CGNL1: variants seen among roughly 807,000 people sequenced by gnomAD.
The protein encoded by CGNL1 is cingulin-like protein 1.
In CGNL1, 132 loss-of-function variants were observed where a neutral mutation model predicts 141.2. That is an observed-to-expected ratio of 0.93 (90% CI 0.81 to 1.08). The LOEUF (loss-of-function observed/expected upper bound fraction) is 1.08, where lower values mean the gene tolerates loss of function less well. CGNL1 is among the 50% of genes least tolerant of loss of function. The probability of loss-of-function intolerance (pLI) is 0.00; values close to 1 mark genes in which losing one functional copy is unlikely to be tolerated. For synonymous variants in CGNL1, 690 were observed against 622.1 expected (o/e 1.11, Z -1.63); for missense variants, 1,870 against 1,588.6 (o/e 1.18, Z -3.01).
At chr15:57,418,106 G>C (rs2062870280) in intron 1 of CGNL1, among the ~76,000 whole-genome samples, 1 of 152,124 alleles carries the variant, frequency 6.6e-6, no homozygotes, top group Non-Finnish European at 1.5e-5. Context: ...TTACAAGAGA[G>C]GAGTAGCTGG....
At chr15:57,426,112 T>C (rs915092765) in intron 1 of CGNL1, among the ~76,000 whole-genome samples, 1 of 151,952 alleles carries the variant, frequency 6.6e-6, no homozygotes, top group African/African-American at 2.4e-5. Context: ...GAAGGGATTC[T>C]GCACTTAAGA....
chr15:57,485,799 T>G lies in CGNL1; in HGVS notation c.2403+23907T>G, dbSNP rs552329770. Among the ~76,000 whole-genome samples, 6 of 152,348 alleles carry G rather than the reference T, an allele frequency of 3.9e-5. No individual in the cohort carries two copies. The East Asian group carries it at 1.2e-3, about 29-fold the overall frequency. ...TCTCACAATACATTTGGAGGATCTT[T>G]TCAGATAGACGTACATAGAATGTCC... On this transcript the variant is annotated intron_variant, in intron 8 of 18. Transcript: ENST00000281282.
chr15:57,548,165 C>T lies in CGNL1; in HGVS notation c.*675C>T, dbSNP rs1262806284. The T allele has an allele frequency of 6.6e-6, 1 of 152,116 alleles. No homozygotes were observed. Among genetic ancestry groups the T allele is most frequent in the African/African-American group, 2.4e-5 (1 of 41,410 alleles). 9.4% of individuals were successfully genotyped at this position (152,116 alleles called of 1,614,324 possible). A position where few individuals can be genotyped will look rare whatever the true frequency, so the allele number is the denominator to read the frequency against. On this transcript the variant is annotated 3_prime_UTR_variant, in exon 19 of 19. Transcript: ENST00000281282. ...TACAGATGACCACCACCACTCCTGG[C>T]TAATTTTTTGTATTTAGTAGAGACG...
At chr15:57,537,734 C>T (rs987096504) in intron 14 of CGNL1, among the ~76,000 whole-genome samples, 2 of 152,184 alleles carry the variant, frequency 1.3e-5, no homozygotes, top group Non-Finnish European at 2.9e-5. Flanking sequence ...GTATCTCTGA[C>T]ATAAAACCCA....
At chr15:57,418,233 A>G (rs912027522) in intron 1 of CGNL1, among the ~76,000 whole-genome samples, 4 of 152,188 alleles carry the variant, frequency 2.6e-5, no homozygotes, top group African/African-American at 9.7e-5. Flanking sequence ...TTTTCAGCCA[A>G]AATAACACCC....
intron 8 of CGNL1, among the ~76,000 whole-genome samples, chr15:57,516,054 G>C (rs1480764666): frequency 6.6e-6 from 1 of 151,652 alleles, no homozygotes; most frequent in Non-Finnish European, 1.5e-5. Context: ...AGCTACTCGG[G>C]AGGCTGAAGC....
chr15:57,424,232 A>G (rs115574439), intron 1 of CGNL1, among the ~76,000 whole-genome samples: 2,773 of 152,066 alleles, frequency 0.018, 73 homozygotes, highest in African/African-American at 0.064. Context: ...TGTTCTCTCT[A>G]CCTGGCACTC....
chr15:57,440,455 A>G lies in CGNL1; in HGVS notation c.1681A>G (p.Asn561Asp). The G allele has an allele frequency of 6.3e-7, 1 of 1,589,762 alleles. No individual in the cohort carries two copies. Among genetic ancestry groups the G allele is most frequent in the Middle Eastern group, 1.7e-4 (1 of 6,026 alleles). The change falls in exon 3 of 19, where the codon AAT becomes GAT. Residue 561 changes from asparagine to aspartate, a missense_variant. Coordinates refer to ENST00000281282, the MANE Select transcript of CGNL1 (RefSeq NM_032866.5). ...GGAGACAGCTAAGCAGATTCTCTAC[A>G]ATTACCTCAAAGAAGGGTTAGTGAT... ...NEETAKQILY[N>D]YLKEGSTDND... is the part of the protein sequence containing the mutation.
intron 1 of CGNL1, among the ~76,000 whole-genome samples, chr15:57,412,479 A>G (rs1239137590): frequency 6.6e-6 from 1 of 152,152 alleles, no homozygotes; most frequent in Non-Finnish European, 1.5e-5. Context: ...CTGAGTAAAT[A>G]TGAGATGGCA....
rs150475241 is a variant in CGNL1 at position 57,431,392 on chromosome 15, A to G, written c.-15-6593A>G. On this transcript the variant is annotated intron_variant, in intron 1 of 18. Transcript: ENST00000281282. ...GTCAGTTTCCTACATTTGCACTACA[A>G]AACACGTAGAGAGAAAACATAAAGC... is the stretch of plus-strand genomic sequence containing the variant. Among the ~76,000 whole-genome samples, 610 of 152,350 alleles carry G rather than the reference A, an allele frequency of 4.0e-3. 6 individuals are homozygous for G. The highest frequency in any genetic ancestry group is 0.014 in the African/African-American group (577 of 41,580).
intron 1 of CGNL1, among the ~76,000 whole-genome samples, chr15:57,392,001 TAA>T (rs1373561888): frequency 6.7e-6 from 1 of 148,360 alleles, no homozygotes; most frequent in Non-Finnish European, 1.5e-5. Context: ...ACCATCACAA[TAA>T]AAGTCTTAAT....
chr15:57,461,235 C>T (rs1419122098), intron 7 of CGNL1, among the ~76,000 whole-genome samples: 3 of 152,014 alleles, frequency 2.0e-5, no homozygotes, highest in African/African-American at 7.2e-5. Flanking sequence ...GTCCTGAGTA[C>T]GAGGAATGTG....
At chr15:57,412,282 G>A (rs1169417503) in intron 1 of CGNL1, among the ~76,000 whole-genome samples, 1 of 152,218 alleles carries the variant, frequency 6.6e-6, no homozygotes. Context: ...TCAGCAGGGA[G>A]CCTTTTATCC....
intron 14 of CGNL1, among the ~76,000 whole-genome samples, chr15:57,542,906 C>T (rs1030887415): frequency 2.0e-5 from 3 of 152,156 alleles, no homozygotes; most frequent in Non-Finnish European, 2.9e-5. Flanking sequence ...GCCTTAGTAT[C>T]CTCAGAGAGA....
At chr15:57,529,421 C>T (rs1595801690) in intron 13 of CGNL1, among the ~76,000 whole-genome samples, 1 of 152,102 alleles carries the variant, frequency 6.6e-6, no homozygotes, top group Non-Finnish European at 1.5e-5. Context: ...CTGAAAACAC[C>T]ACATATTAGA....
At chr15:57,405,782 CTT>C (rs67324890) in intron 1 of CGNL1, among the ~76,000 whole-genome samples, 7 of 33,912 alleles carry the variant, frequency 2.1e-4, no homozygotes, top group Non-Finnish European at 5.0e-4. Flanking sequence ...CTCTTTCTTT[CTT>C]TCTTTCTTTC....
chr15:57,443,748 G>T (rs1160808898), intron 4 of CGNL1, among the ~76,000 whole-genome samples: 2 of 152,128 alleles, frequency 1.3e-5, no homozygotes, highest in Non-Finnish European at 2.9e-5. Flanking sequence ...AGTCAGTCCA[G>T]TATTTGTTTG....
intron 8 of CGNL1, among the ~76,000 whole-genome samples, chr15:57,510,699 C>G (rs1483958203): frequency 6.6e-6 from 1 of 152,168 alleles, no homozygotes; most frequent in Non-Finnish European, 1.5e-5. Flanking sequence ...TCTTCGCAGT[C>G]CCTTGGATGT....
intron 4 of CGNL1, among the ~76,000 whole-genome samples, chr15:57,442,793 GTT>G (rs1288492505): frequency 2.0e-5 from 3 of 151,910 alleles, no homozygotes; most frequent in Non-Finnish European, 4.4e-5. Context: ...TAATTTTTGT[GTT>G]TTTAGTAGGG....
Sources: allele counts gnomAD v4.1 joint callset (sites outside exome capture counted in the v4.1 genomes callset), GRCh38; gene constraint gnomAD v4.1.1; transcripts MANE v1.5; gene names NCBI Gene and HGNC (gene_info 2026-07-23, HGNC 2026-07-21).